Variants in TMEM117 observed in about 807,000 individuals in gnomAD.
TMEM117 encodes transmembrane protein 117.
TMEM117 carries 27 observed loss-of-function variants against 52.4 expected under a neutral mutation model. The ratio of observed to expected loss-of-function variants is 0.51; its 90% CI spans 0.38 to 0.71. The LOEUF (loss-of-function observed/expected upper bound fraction) is 0.71. Among genes scored for constraint, TMEM117 ranks in the 30% least tolerant of loss-of-function variants. The pLI is 0.00. For missense variants in TMEM117, 556 were observed against 630.5 expected, an observed-to-expected ratio of 0.88 and a Z score of 1.26; for synonymous variants, 215 against 206.3, an observed-to-expected ratio of 1.04 and a Z score of -0.36.
intron 6 of TMEM117, among the ~76,000 whole-genome samples, chr12:44,305,754 T>G (rs997983607): frequency 1.3e-5 from 2 of 152,188 alleles, no homozygotes; most frequent in African/African-American, 4.8e-5. Flanking sequence ...TTTGGAGATC[T>G]CTCAAACAGC....
At chr12:44,133,460 G>C (rs1948444854) in intron 3 of TMEM117, among the ~76,000 whole-genome samples, 1 of 152,192 alleles carries the variant, frequency 6.6e-6, no homozygotes, top group Non-Finnish European at 1.5e-5. Flanking sequence ...ATGTTCACAA[G>C]ATGGGTGGAA....
intron 5 of TMEM117, among the ~76,000 whole-genome samples, chr12:44,258,613 ATAAT>A (rs1950287057): frequency 6.6e-6 from 1 of 152,180 alleles, no homozygotes; most frequent in African/African-American, 2.4e-5. Context: ...TTTTGAAAAA[ATAAT>A]TAAAGATTGG....
At chr12:44,319,836 C>T (rs373643727) in intron 6 of TMEM117, among the ~76,000 whole-genome samples, 55 of 152,234 alleles carry the variant, frequency 3.6e-4, no homozygotes, top group African/African-American at 1.3e-3. Context: ...CAAAACCTAA[C>T]TATATGTCTC....
chr12:44,289,228 TGTG>T (rs1950672684), intron 5 of TMEM117, among the ~76,000 whole-genome samples: 2 of 18,674 alleles, frequency 1.1e-4, no homozygotes, highest in Non-Finnish European at 1.7e-4. Flanking sequence ...TCCCATTTTG[TGTG>T]TGTGTGTGTG....
intron 4 of TMEM117, among the ~76,000 whole-genome samples, chr12:44,192,136 A>G (rs144841025): frequency 0.012 from 1,818 of 152,240 alleles, 29 homozygotes; most frequent in African/African-American, 0.041. Flanking sequence ...GGAGTATACC[A>G]GTAATGTGGG....
the TMEM117 span, among the ~76,000 whole-genome samples, chr12:43,828,932 G>A: frequency 1.2e-4 from 18 of 151,964 alleles, no homozygotes; most frequent in Non-Finnish European, 2.4e-4. Flanking sequence ...TAATTAGAGC[G>A]TTGGGCATTG....
intron 5 of TMEM117, among the ~76,000 whole-genome samples, chr12:44,221,420 A>G (rs1046193729): frequency 3.9e-5 from 6 of 152,188 alleles, no homozygotes; most frequent in African/African-American, 1.2e-4. Flanking sequence ...GCCCTAGCAT[A>G]AGCTTCTAAC....
chr12:44,118,019 C>A (rs1016151431), intron 3 of TMEM117, among the ~76,000 whole-genome samples: 27 of 151,496 alleles, frequency 1.8e-4, no homozygotes, highest in African/African-American at 5.8e-4. Flanking sequence ...TATCCTGATA[C>A]ACACCTTGAC....
chr12:44,094,267 T>A (rs561015442), intron 3 of TMEM117, among the ~76,000 whole-genome samples: 2 of 152,146 alleles, frequency 1.3e-5, no homozygotes, highest in South Asian at 4.1e-4. Flanking sequence ...TCTGCCCAGT[T>A]CTGATCTCTG....
intron 5 of TMEM117, among the ~76,000 whole-genome samples, chr12:44,295,304 A>ACC (rs1277020349): frequency 1.3e-5 from 2 of 152,118 alleles, no homozygotes. Flanking sequence ...CCTGGGCTCA[A>ACC]GTGATTCTCC....
intron 3 of TMEM117, among the ~76,000 whole-genome samples, chr12:43,995,046 G>A (rs1474588586): frequency 6.6e-6 from 1 of 152,140 alleles, no homozygotes; most frequent in Non-Finnish European, 1.5e-5. Flanking sequence ...GGAGGCTGAG[G>A]CGGGTGGATC....
intron 2 of TMEM117, among the ~76,000 whole-genome samples, chr12:43,912,751 A>G (rs976282896): frequency 2.0e-4 from 30 of 151,938 alleles, no homozygotes; most frequent in African/African-American, 5.8e-4. Flanking sequence ...GTGATTTTCA[A>G]TTAATATATG....
At chr12:43,857,799 G>A (rs983258640) in intron 2 of TMEM117, among the ~76,000 whole-genome samples, 2 of 152,084 alleles carry the variant, frequency 1.3e-5, no homozygotes, top group African/African-American at 2.4e-5. Context: ...TTTTCACTGG[G>A]TTTAAAATAT....
intron 2 of TMEM117, among the ~76,000 whole-genome samples, chr12:43,869,084 C>G (rs917383620): frequency 1.3e-5 from 2 of 151,950 alleles, no homozygotes; most frequent in African/African-American, 4.8e-5. Flanking sequence ...CTAAAAAATC[C>G]ACTAACGAAA....
At chr12:43,916,562 A>T (rs1037431809) in intron 2 of TMEM117, among the ~76,000 whole-genome samples, 3 of 152,168 alleles carry the variant, frequency 2.0e-5, no homozygotes, top group African/African-American at 7.2e-5. Flanking sequence ...AACATTTAGG[A>T]TGTTCACAGG....
At chr12:44,293,334 T>C (rs1950728922) in intron 5 of TMEM117, among the ~76,000 whole-genome samples, 1 of 152,076 alleles carries the variant, frequency 6.6e-6, no homozygotes, top group African/African-American at 2.4e-5. Context: ...GATTCTCTTA[T>C]AGGCAGCTTA....
chr12:43,835,449 TATGTGTGTATGA>T (rs1159986360), upstream of TMEM117, among the ~76,000 whole-genome samples: 4 of 152,102 alleles, frequency 2.6e-5, no homozygotes, highest in Non-Finnish European at 5.9e-5. Context: ...TGTGCATCTC[TATGTGTGTATGA>T]ATGTGTGTAT....
In TMEM117 at chr12:44,056,612, T is replaced by C. The variant is rs140959243; in HGVS notation, c.411-86913T>C. Among the ~76,000 whole-genome samples, 783 of 152,268 alleles carry C rather than the reference T, an allele frequency of 5.1e-3. 7 individuals are homozygous for C. The highest frequency in any genetic ancestry group is 0.018 in the African/African-American group (739 of 41,552). On this transcript the variant is annotated intron_variant, in intron 3 of 7. Coordinates refer to ENST00000266534, the MANE Select transcript of TMEM117 (RefSeq NM_032256.3). Reference sequence around the variant, plus strand: ...GGTAGCAAGAACTTGACTCTCTCTTTTGTATTTTAACATAAATTATACATT... The same window carrying C: ...GGTAGCAAGAACTTGACTCTCTCTTCTGTATTTTAACATAAATTATACATT...
chr12:44,115,335 C>T, intron 3 of TMEM117, among the ~76,000 whole-genome samples: 1 of 152,084 alleles, frequency 6.6e-6, no homozygotes, highest in Non-Finnish European at 1.5e-5. Context: ...GGAGGGATAG[C>T]ATTAGGAGAT....
Sources: gnomAD v4.1 joint callset for allele counts (sites outside exome capture counted in the v4.1 genomes callset) on GRCh38, gnomAD v4.1.1 for gene constraint, MANE v1.5 for transcripts, NCBI Gene and HGNC (gene_info 2026-07-23, HGNC 2026-07-21) for gene names.